GCN1: variants seen among roughly 807,000 people sequenced by gnomAD.
GCN1 encodes the protein stalled ribosome sensor GCN1.
A neutral mutation model predicts 288.4 loss-of-function variants in GCN1; 90 were observed. The observed-to-expected ratio is 0.31, with a 90% CI of 0.26 to 0.37. The LOEUF is 0.37. Ranked by LOEUF, GCN1 falls within the 10% of genes least tolerant of loss-of-function variation. The pLI, the probability that GCN1 is intolerant of heterozygous loss-of-function variation, is 1.00. For synonymous variants in GCN1, 1,386 were observed against 1,420.2 expected, an observed-to-expected ratio of 0.98 and a Z score of 0.54; for missense variants, 2,586 against 3,419.9, an observed-to-expected ratio of 0.76 and a Z score of 6.08.
intron 57 of GCN1, among the ~76,000 whole-genome samples, chr12:120,128,555 C>T (rs564234357): frequency 1.4e-4 from 21 of 150,322 alleles, no homozygotes; most frequent in African/African-American, 4.2e-4. Context: ...AGGCTGGTCT[C>T]GAACTCCTGA....
chr12:120,170,338 A>G lies in GCN1; in HGVS notation c.1367-17T>C. The G allele has an allele frequency of 1.9e-6, 3 of 1,612,988 alleles. No homozygotes were observed. Among genetic ancestry groups the G allele is most frequent in the Non-Finnish European group, 2.5e-6 (3 of 1,179,008 alleles). On this transcript the variant is annotated splice_polypyrimidine_tract_variant and intron_variant, in intron 14 of 57. Transcript: ENST00000300648. ...GCGTGTCACCTGTGGAGAGAGGACAAGCACCTTAAAGGACATCCTGATCCT... is the reference window on the plus strand; with the variant it reads ...GCGTGTCACCTGTGGAGAGAGGACAGGCACCTTAAAGGACATCCTGATCCT...
rs757239048 is a variant in GCN1, at chr12:120,178,822, A to C, written c.525+30T>G. The C allele has an allele frequency of 1.9e-6, 3 of 1,612,336 alleles. No homozygotes were observed. In the African/African-American group the frequency reaches 4.0e-5, roughly 22 times the overall value. On this transcript the variant is annotated intron_variant, in intron 6 of 57. Coordinates refer to ENST00000300648, the MANE Select transcript of GCN1 (RefSeq NM_006836.2). ...AGTGGGGGAGTGGCATGGAAGAAGC[A>C]ATGCCCACCAGCCCCTGCAGTCCTG... is the stretch of plus-strand genomic sequence containing the variant.
At chr12:120,190,224 C>CAA (rs34357352) in intron 2 of GCN1, 74 bp downstream of exon 2, 12,171 of 569,746 alleles carry the variant, frequency 0.021, 70 homozygotes, top group African/African-American at 0.041. Flanking sequence ...GACTCTGTCT[C>CAA]AAAAAAAAAA....
intron 5 of GCN1, 99 bp downstream of exon 5, chr12:120,183,463 TCACCCAG>T: frequency 1.3e-6 from 1 of 747,170 alleles, no homozygotes; most frequent in Admixed American, 1.8e-5. Context: ...GAGTGTCTGG[TCACCCAG>T]CACCCAGAAA....
Position 120,137,250 on chromosome 12 carries a change from C to T in GCN1, c.6733G>A (p.Glu2245Lys), listed in dbSNP as rs765412848. ...CCTGGCACATGCTCGCCTTTGCTCT[C>T]GTTCCCTATGAGCCGGATTTCCTTG... The part of the protein sequence containing the change: ...LHKEIRLIGN[E>K]SKGEHVPGFC... Residue 2245 changes from glutamate (E) to lysine (K), a missense_variant, in exon 50 of 58, where the codon GAG becomes AAG. Physicochemically the swap from Glu to Lys is moderately conservative, Grantham distance 56. Transcript: ENST00000300648. This position sits in a 1 kb window ranked among gnomAD's most constrained non-coding sequence, Gnocchi z 5.2. 5.0e-6 allele frequency: 8 copies of T among 1,614,106 alleles called. No homozygotes were observed. Among genetic ancestry groups the T allele is most frequent in the Non-Finnish European group, 6.8e-6 (8 of 1,180,038 alleles).
At chr12:120,176,691 G>A (rs1166000859) in intron 9 of GCN1, among the ~76,000 whole-genome samples, 1 of 152,192 alleles carries the variant, frequency 6.6e-6, no homozygotes, top group Non-Finnish European at 1.5e-5. Flanking sequence ...GTGGGTTCTT[G>A]AACCCCTAAA....
intron 2 of GCN1, among the ~76,000 whole-genome samples, chr12:120,188,487 C>T (rs1878896934): frequency 1.3e-5 from 2 of 150,108 alleles, no homozygotes; most frequent in South Asian, 4.2e-4. Context: ...ATCTTGGAAT[C>T]CTTTATTGGC....
At position 120,153,328 on chromosome 12, in the gene GCN1, C is replaced by T. The variant is rs1202185965; in HGVS notation, c.3947G>A (p.Arg1316Gln). Residue 1316 changes from arginine (R) to glutamine (Q), a missense_variant, in exon 33 of 58, where the codon CGA becomes CAA. Arg to Gln is a conservative substitution (Grantham distance 43). This residue lies in a region of GCN1 where 332 missense variants were observed against 403.0 expected (regional missense o/e 0.82). Coordinates refer to ENST00000300648, the MANE Select transcript of GCN1 (RefSeq NM_006836.2). This position sits in a 1 kb window ranked among gnomAD's most constrained non-coding sequence, Gnocchi z 4.4. ...GCCCATCAGGACCACCACACTCTGT[C>T]GCACAGCATCATAGCTGGCATCATT... ...APNDASYDAV[R>Q]QSVVVLMGSL... 1.2e-6 allele frequency: 2 copies of T among 1,614,092 alleles called. No individual in the cohort carries two copies. Among genetic ancestry groups the T allele is most frequent in the Non-Finnish European group, 1.7e-6 (2 of 1,180,024 alleles).
intron 51 of GCN1, 127 bp downstream of exon 51, chr12:120,136,374 TC>T: frequency 1.4e-6 from 1 of 698,670 alleles, no homozygotes; most frequent in Admixed American, 2.4e-5. Flanking sequence ...AAGTCCAAGG[TC>T]TTACCTCCCT....
rs778992921 is a variant in GCN1, at chr12:120,155,693, C to T, written c.3339G>A (p.Leu1113=). ...TCTTCTCATCAGTATCAGGTGCTGG[C>T]AATACCATGTGGAGTTCCATCAGCC... The part of the protein sequence containing the change: ...LRGLMELHMV[L]PAPDTDEKNG... The change falls in exon 29 of 58, where the codon TTG becomes TTA. Residue 1113 remains leucine (L), a synonymous_variant. Coordinates refer to ENST00000300648, the MANE Select transcript of GCN1 (RefSeq NM_006836.2). The surrounding 1 kb of genome is among the most constrained non-coding windows in gnomAD (Gnocchi z 4.9). 1 of 1,613,970 alleles carries T rather than the reference C, an allele frequency of 6.2e-7. No homozygotes were observed. Among genetic ancestry groups the T allele is most frequent in the South Asian group, 1.1e-5 (1 of 91,068 alleles).
At position 120,156,567 on chromosome 12, in the gene GCN1, C is replaced by T. The variant is rs199805344; in HGVS notation, c.3206G>A (p.Ser1069Asn). Residue 1069 changes from serine (S) to asparagine (N), a missense_variant, in exon 28 of 58, where the codon AGC becomes AAC. This residue lies in a region of GCN1 where 153 missense variants were observed against 252.0 expected (regional missense o/e 0.61). Transcript: ENST00000300648. The surrounding 1 kb of genome is among the most constrained non-coding windows in gnomAD (Gnocchi z 5.8). ...ASDTLTTLCA[S>N]SSGDDGCAFA... ...GGCACAGCCATCATCACCACTGCTG[C>T]TGGCACACAGGGTGGTCAGGGTGTC... The T allele has an allele frequency of 1.2e-6, 2 of 1,613,670 alleles. No individual in the cohort carries two copies. The highest frequency in any genetic ancestry group is 1.1e-5 in the South Asian group (1 of 91,070).
intron 3 of GCN1, 73 bp downstream of exon 3, chr12:120,184,751 G>C: frequency 9.1e-7 from 1 of 1,104,694 alleles, no homozygotes; most frequent in Non-Finnish European, 1.4e-6. Context: ...CTCTAATCTG[G>C]GCTCTAACCA....
rs372336305 is a variant in GCN1 at position 120,144,267 on chromosome 12, C to T, written c.5495+39G>A. On this transcript the variant is annotated intron_variant, in intron 42 of 57. Coordinates refer to ENST00000300648, the MANE Select transcript of GCN1 (RefSeq NM_006836.2). This position sits in a 1 kb window ranked among gnomAD's most constrained non-coding sequence, Gnocchi z 4.7. ...CTCGGATTATAGGCATGAGCCACCACGCATCATCCCCACTGGGTCTTTCTG... is the reference window on the plus strand; with the variant it reads ...CTCGGATTATAGGCATGAGCCACCATGCATCATCCCCACTGGGTCTTTCTG... The T allele has an allele frequency of 7.5e-6, 12 of 1,610,278 alleles. No homozygotes were observed. The highest frequency in any genetic ancestry group is 4.4e-5 in the South Asian group (4 of 91,002).
At chr12:120,192,320 A>ATG (rs1879028159) in intron 1 of GCN1, among the ~76,000 whole-genome samples, 1 of 152,200 alleles carries the variant, frequency 6.6e-6, no homozygotes, top group Non-Finnish European at 1.5e-5. Context: ...CACCCTGAAC[A>ATG]TGTACTTTCT....
intron 9 of GCN1, 72 bp downstream of exon 9, chr12:120,177,375 G>A: frequency 2.6e-6 from 2 of 757,166 alleles, no homozygotes; most frequent in Non-Finnish European, 4.6e-6. Context: ...CACACTTCTT[G>A]TTGCCAAATA....
At chr12:120,147,318 G>A (rs774718372) in intron 37 of GCN1, 46 bp from the exon 38 acceptor site, 1 of 1,128,144 alleles carries the variant, frequency 8.9e-7, no homozygotes, top group Non-Finnish European at 1.3e-6. Context: ...CATCTATGCA[G>A]CTGCAAGGCC....
chr12:120,162,751 A>T, intron 20 of GCN1, 96 bp downstream of exon 20: 1 of 1,371,516 alleles, frequency 7.3e-7, no homozygotes, highest in Non-Finnish European at 1.0e-6. Context: ...CATTTCATCC[A>T]TCTTCACCTG....
At chr12:120,168,384 G>A (rs1417399193) in intron 15 of GCN1, 84 bp from the exon 16 acceptor site, 2 of 851,412 alleles carry the variant, frequency 2.3e-6, no homozygotes, top group Non-Finnish European at 4.0e-6. Flanking sequence ...CTGCTGGGGT[G>A]GGCTTTGCTG....
chr12:120,145,384 G>C, intron 38 of GCN1, 54 bp from the exon 39 acceptor site: 1 of 1,375,758 alleles, frequency 7.3e-7, no homozygotes, highest in Non-Finnish European at 9.8e-7. Context: ...CTTTCTCCAG[G>C]CCTGTTCCAC....
Sources: allele counts gnomAD v4.1 joint callset (sites outside exome capture counted in the v4.1 genomes callset), GRCh38; gene constraint gnomAD v4.1.1; regional missense constraint gnomAD v4.1.1; non-coding constraint Gnocchi (gnomAD v3.1); transcripts MANE v1.5; gene names NCBI Gene and HGNC (gene_info 2026-07-23, HGNC 2026-07-21).